Variants in EYS observed in about 807,000 individuals in gnomAD.
EYS encodes the protein protein eyes shut homolog.
Under a neutral mutation model 282.1 loss-of-function variants are expected in EYS, and 250 were observed. That is an observed-to-expected ratio of 0.89 (90% CI 0.80 to 0.98). The LOEUF (loss-of-function observed/expected upper bound fraction) is 0.98, where lower values mean the gene tolerates loss of function less well. Among genes scored for constraint, EYS ranks in the 50% least tolerant of loss-of-function variants. The pLI is 0.00. For missense variants in EYS, 4,016 were observed against 3,709.0 expected (o/e 1.08, Z -2.15); for synonymous variants, 1,355 against 1,282.9 (o/e 1.06, Z -1.20).
intron 35 of EYS, among the ~76,000 whole-genome samples, chr6:63,955,632 G>A (rs551382114): frequency 6.6e-6 from 1 of 152,034 alleles, no homozygotes; most frequent in South Asian, 2.1e-4. Context: ...TTGACTTACT[G>A]CTTAAAAAAA....
intron 22 of EYS, among the ~76,000 whole-genome samples, chr6:64,720,476 G>T (rs746746922): frequency 7.0e-4 from 106 of 152,156 alleles, no homozygotes; most frequent in Non-Finnish European, 1.1e-3. Context: ...CCATCATTCT[G>T]CTTCCCACAG....
chr6:64,778,582 G>C (rs1054512632), intron 22 of EYS, among the ~76,000 whole-genome samples: 7 of 145,888 alleles, frequency 4.8e-5, no homozygotes, highest in African/African-American at 2.0e-4. Context: ...TAAAAAATGT[G>C]GCTTGGTCAA....
intron 8 of EYS, among the ~76,000 whole-genome samples, chr6:65,361,117 AAAC>A: frequency 1.2e-5 from 1 of 82,598 alleles, no homozygotes. Flanking sequence ...AAGGACAAAA[AAAC>A]AAACACCGCA....
At chr6:64,493,702 GGTTT>G (rs1554167606) in intron 26 of EYS, among the ~76,000 whole-genome samples, 1 of 151,348 alleles carries the variant, frequency 6.6e-6, no homozygotes. Context: ...ACAACGTGCA[GGTTT>G]GTTACACATG....
At chr6:65,382,350 A>T (rs371620724) in intron 8 of EYS, among the ~76,000 whole-genome samples, 3 of 149,354 alleles carry the variant, frequency 2.0e-5, no homozygotes, top group East Asian at 4.0e-4. Context: ...CTTTTTTTCC[A>T]TGTGTGTTGT....
At chr6:64,782,515 T>A (rs564146106) in intron 22 of EYS, among the ~76,000 whole-genome samples, 2 of 152,322 alleles carry the variant, frequency 1.3e-5, no homozygotes, top group South Asian at 4.1e-4. Flanking sequence ...TAAATAATAT[T>A]TAATAGACTA....
In EYS at chr6:63,838,708, T is replaced by G. The variant is rs1400067454; in HGVS notation, c.7228+25478A>C. On this transcript the variant is annotated intron_variant, in intron 36 of 42. Coordinates refer to ENST00000503581, the MANE Select transcript of EYS (RefSeq NM_001142800.2). ...TCCATCTCCCACATAGGATAAGGCC[T>G]TTTCTCCTAAAGAGTAGGCCTCTCT... Among the ~76,000 whole-genome samples, 3 of 152,286 alleles carry G rather than the reference T, an allele frequency of 2.0e-5. No individual in the cohort carries two copies. In the East Asian group the frequency reaches 5.8e-4, roughly 29 times the overall value.
intron 35 of EYS, among the ~76,000 whole-genome samples, chr6:63,937,400 A>T (rs1388148145): frequency 5.8e-5 from 2 of 34,326 alleles, no homozygotes; most frequent in Non-Finnish European, 1.2e-4. Context: ...TTTTTTTTTG[A>T]GACGGAGTCT....
intron 5 of EYS, among the ~76,000 whole-genome samples, chr6:65,470,540 C>G (rs1172174525): frequency 1.3e-5 from 2 of 152,042 alleles, no homozygotes; most frequent in East Asian, 1.9e-4. Flanking sequence ...ACTCATTAAT[C>G]AAGAATACAA....
At chr6:64,670,158 T>G (rs1769398149) in intron 22 of EYS, among the ~76,000 whole-genome samples, 2 of 152,094 alleles carry the variant, frequency 1.3e-5, no homozygotes, top group African/African-American at 4.8e-5. Context: ...CTCCAAGTTG[T>G]AAAACTCCCT....
intron 26 of EYS, among the ~76,000 whole-genome samples, chr6:64,499,730 C>A (rs549440415): frequency 9.9e-5 from 15 of 151,964 alleles, no homozygotes; most frequent in Admixed American, 5.9e-4. Flanking sequence ...TAGTTGCTTC[C>A]CCTTATCAAA....
chr6:65,615,793 T>G (rs1474838022), intron 2 of EYS, among the ~76,000 whole-genome samples: 2 of 151,672 alleles, frequency 1.3e-5, no homozygotes, highest in East Asian at 1.9e-4. Flanking sequence ...AATTAGCCGG[T>G]CGTGGTGGCG....
intron 31 of EYS, among the ~76,000 whole-genome samples, chr6:64,205,878 G>T (rs149268054): frequency 3.6e-3 from 532 of 149,572 alleles, no homozygotes; most frequent in Middle Eastern, 0.017. Context: ...GAGAGAGAAA[G>T]AAATTCACTG....
intron 41 of EYS, among the ~76,000 whole-genome samples, chr6:63,751,903 T>C (rs1769348106): frequency 6.6e-6 from 1 of 152,204 alleles, no homozygotes; most frequent in African/African-American, 2.4e-5. Flanking sequence ...TGAATGATCT[T>C]TGGAAACCCA....
At chr6:65,625,697 A>G (rs1268514509) in intron 2 of EYS, among the ~76,000 whole-genome samples, 2 of 152,252 alleles carry the variant, frequency 1.3e-5, no homozygotes, top group Non-Finnish European at 2.9e-5. Flanking sequence ...AAAATTAAAC[A>G]CAATTGCTTA....
At chr6:64,820,484 A>T (rs1298272683) in intron 21 of EYS, among the ~76,000 whole-genome samples, 1 of 152,150 alleles carries the variant, frequency 6.6e-6, no homozygotes, top group East Asian at 1.9e-4. Flanking sequence ...TGGTTCATTC[A>T]TTCTCTACTA....
intron 26 of EYS, among the ~76,000 whole-genome samples, chr6:64,569,799 A>G (rs1765668506): frequency 6.6e-6 from 1 of 152,166 alleles, no homozygotes; most frequent in African/African-American, 2.4e-5. Flanking sequence ...AACTATGTGG[A>G]AAGACCAAAA....
At chr6:63,921,734 A>T (rs2149744085) in intron 35 of EYS, among the ~76,000 whole-genome samples, 1 of 152,358 alleles carries the variant, frequency 6.6e-6, no homozygotes, top group Non-Finnish European at 1.5e-5. Flanking sequence ...TAGGAACAAT[A>T]TCATTATTAG....
intron 22 of EYS, among the ~76,000 whole-genome samples, chr6:64,803,372 T>G (rs1764317932): frequency 7.0e-6 from 1 of 142,898 alleles, no homozygotes. Flanking sequence ...GGACTGAAGG[T>G]GTGTGTGTGG....
Sources: allele counts gnomAD v4.1 joint callset (sites outside exome capture counted in the v4.1 genomes callset), GRCh38; gene constraint gnomAD v4.1.1; transcripts MANE v1.5; gene names NCBI Gene and HGNC (gene_info 2026-07-23, HGNC 2026-07-21).